CHRM3: variants seen among roughly 807,000 people sequenced by gnomAD.
CHRM3 encodes muscarinic acetylcholine receptor M3.
A neutral mutation model predicts 41.8 loss-of-function variants in CHRM3; 11 were observed. That is an observed-to-expected ratio of 0.26 (90% CI 0.17 to 0.44). The LOEUF (loss-of-function observed/expected upper bound fraction) is 0.44. CHRM3 is among the 20% of genes least tolerant of loss of function. CHRM3 has a pLI of 1.00. For synonymous variants in CHRM3, 297 were observed against 301.4 expected (o/e 0.99, Z 0.15); for missense variants, 571 against 745.4 (o/e 0.77, Z 2.72).
At chr1:239,863,381 C>T (rs979825166) in intron 6 of CHRM3, among the ~76,000 whole-genome samples, 35 of 152,204 alleles carry the variant, frequency 2.3e-4, no homozygotes, top group African/African-American at 8.0e-4. Context: ...GCCAGGGCCA[C>T]TTTCTCTCTG....
chr1:239,698,947 C>G (rs1660434530), intron 5 of CHRM3, among the ~76,000 whole-genome samples: 1 of 152,062 alleles, frequency 6.6e-6, no homozygotes, highest in African/African-American at 2.4e-5. Context: ...CTTCTTTCAG[C>G]ATAATTCTAA....
In CHRM3 at chr1:239,387,875, C is replaced by T. The variant is rs1417806669; in HGVS notation, c.-521+648C>T. ...TTTACTGACCCGGGGAGAGTCTGCACTCGCGAGGCAGCGGCCGCTGGACTG... is the reference window on the plus strand; with the variant it reads ...TTTACTGACCCGGGGAGAGTCTGCATTCGCGAGGCAGCGGCCGCTGGACTG... On this transcript the variant is annotated intron_variant, in intron 1 of 6. Transcript: ENST00000676153. The surrounding 1 kb of genome is among the most constrained non-coding windows in gnomAD (Gnocchi z 5.1). Among the ~76,000 whole-genome samples, 1 of 152,174 alleles carries T rather than the reference C, an allele frequency of 6.6e-6. No homozygotes were observed. Among genetic ancestry groups the T allele is most frequent in the East Asian group, 1.9e-4 (1 of 5,176 alleles).
chr1:239,553,671 A>G (rs1660079808), intron 3 of CHRM3, among the ~76,000 whole-genome samples: 1 of 152,180 alleles, frequency 6.6e-6, no homozygotes, highest in Non-Finnish European at 1.5e-5. Context: ...TCCCGCTCCC[A>G]TCAAAATGCT....
chr1:239,444,068 C>T (rs1338335809), intron 1 of CHRM3, among the ~76,000 whole-genome samples: 2 of 152,106 alleles, frequency 1.3e-5, no homozygotes, highest in Non-Finnish European at 2.9e-5. Context: ...AGTCAGGCAC[C>T]AGGCTCAGCA....
chr1:239,674,467 TG>T (rs1657764892), intron 4 of CHRM3, among the ~76,000 whole-genome samples: 1 of 152,066 alleles, frequency 6.6e-6, no homozygotes, highest in African/African-American at 2.4e-5. Flanking sequence ...CTCAGCACTT[TG>T]GGAGGCCCAG....
chr1:239,805,618 C>T (rs1257244597), intron 5 of CHRM3, among the ~76,000 whole-genome samples: 1 of 149,832 alleles, frequency 6.7e-6, no homozygotes, highest in Non-Finnish European at 1.5e-5. Flanking sequence ...TGATAGGAGG[C>T]AGGTGGGGTG....
At chr1:239,511,131 T>C (rs567482327) in intron 2 of CHRM3, among the ~76,000 whole-genome samples, 1 of 152,348 alleles carries the variant, frequency 6.6e-6, no homozygotes, top group African/African-American at 2.4e-5. Flanking sequence ...TTCTGATTCA[T>C]GTACGTTAAG....
At chr1:239,597,703 C>A (rs1664947172) in intron 3 of CHRM3, among the ~76,000 whole-genome samples, 1 of 151,678 alleles carries the variant, frequency 6.6e-6, no homozygotes, top group African/African-American at 2.4e-5. Context: ...ATTTAAAATA[C>A]AAATATGCTT....
chr1:239,423,435 C>CTG (rs1186549757), intron 1 of CHRM3, among the ~76,000 whole-genome samples: 1 of 152,208 alleles, frequency 6.6e-6, no homozygotes, highest in Non-Finnish European at 1.5e-5. Context: ...TAACCACTTA[C>CTG]TGTGTCTAGC....
intron 3 of CHRM3, among the ~76,000 whole-genome samples, chr1:239,549,912 A>G (rs1337689216): frequency 6.6e-6 from 1 of 151,768 alleles, no homozygotes; most frequent in Non-Finnish European, 1.5e-5. Context: ...TACATATAAC[A>G]TGGTAAAGGG....
intron 6 of CHRM3, among the ~76,000 whole-genome samples, chr1:239,894,721 C>T (rs1368980910): frequency 6.6e-6 from 1 of 151,596 alleles, no homozygotes; most frequent in Non-Finnish European, 1.5e-5. Context: ...GCATGAGCCA[C>T]CGCGCCCGAC....
At chr1:239,421,863 G>T (rs941588150) in intron 1 of CHRM3, among the ~76,000 whole-genome samples, 1 of 151,706 alleles carries the variant, frequency 6.6e-6, no homozygotes. Context: ...TTTTTACTAG[G>T]CTAAATAATA....
At chr1:239,662,893 CTCTTCTTCTTCTTCT>C (rs67465048) in intron 4 of CHRM3, among the ~76,000 whole-genome samples, 3 of 46,352 alleles carry the variant, frequency 6.5e-5, no homozygotes, top group Non-Finnish European at 1.4e-4. Flanking sequence ...CTTCCTCCTC[CTCTTCTTCTTCTTCT>C]TCTTCTTCTT....
intron 5 of CHRM3, among the ~76,000 whole-genome samples, chr1:239,775,255 G>A (rs149391555): frequency 1.1e-3 from 163 of 152,134 alleles, no homozygotes; most frequent in African/African-American, 3.8e-3. Context: ...TTAATAATAA[G>A]TTATACTTAT....
intron 3 of CHRM3, among the ~76,000 whole-genome samples, chr1:239,610,887 A>T (rs1389947952): frequency 6.6e-6 from 1 of 152,154 alleles, no homozygotes; most frequent in East Asian, 1.9e-4. Flanking sequence ...CCCCGTCTCT[A>T]CTAAAAATAC....
At chr1:239,757,167 C>T (rs961981755) in intron 5 of CHRM3, among the ~76,000 whole-genome samples, 1 of 152,098 alleles carries the variant, frequency 6.6e-6, no homozygotes, top group Non-Finnish European at 1.5e-5. Flanking sequence ...ACTGTTATTA[C>T]AATTTATATC....
intron 2 of CHRM3, among the ~76,000 whole-genome samples, chr1:239,529,028 T>G (rs1670189601): frequency 1.3e-5 from 2 of 152,220 alleles, no homozygotes; most frequent in Admixed American, 6.5e-5. Context: ...ACCTGTTAGA[T>G]CCTCTGTTTC....
chr1:239,674,967 A>T (rs1899612), intron 4 of CHRM3, among the ~76,000 whole-genome samples: 2 of 152,056 alleles, frequency 1.3e-5, no homozygotes, highest in South Asian at 4.1e-4. Context: ...CTCTAATTTT[A>T]TCTACCTTCC....
chr1:239,784,249 T>C (rs1007080911), intron 5 of CHRM3, among the ~76,000 whole-genome samples: 1 of 152,208 alleles, frequency 6.6e-6, no homozygotes, highest in Non-Finnish European at 1.5e-5. Flanking sequence ...TGACTACACC[T>C]GGTTTCTTTT....
Sources: allele counts gnomAD v4.1 joint callset (sites outside exome capture counted in the v4.1 genomes callset), GRCh38; gene constraint gnomAD v4.1.1; non-coding constraint Gnocchi (gnomAD v3.1); transcripts MANE v1.5; gene names NCBI Gene and HGNC (gene_info 2026-07-23, HGNC 2026-07-21).